Variants in PREX2 observed in about 807,000 individuals in gnomAD.
PREX2 encodes phosphatidylinositol-3,4,5-trisphosphate dependent Rac exchange factor 2.
Under a neutral mutation model 203.2 loss-of-function variants are expected in PREX2, and 107 were observed. The observed-to-expected ratio is 0.53, with a 90% CI of 0.45 to 0.62. The LOEUF (loss-of-function observed/expected upper bound fraction) is 0.62, where lower values mean the gene tolerates loss of function less well. Ranked by LOEUF, PREX2 falls within the 20% of genes least tolerant of loss-of-function variation. The probability of loss-of-function intolerance (pLI) is 0.00; values close to 1 mark genes in which losing one functional copy is unlikely to be tolerated. For missense variants in PREX2, 1,777 were observed against 1,955.9 expected (o/e 0.91, Z 1.72); for synonymous variants, 672 against 663.6 (o/e 1.01, Z -0.19).
chr8:68,121,917 A>G (rs971377834), intron 30 of PREX2, among the ~76,000 whole-genome samples: 5 of 152,194 alleles, frequency 3.3e-5, no homozygotes, highest in Admixed American at 1.3e-4. Context: ...AACCCACACA[A>G]TAAATACTAT....
At chr8:67,977,065 A>G (rs1288105594) in intron 1 of PREX2, among the ~76,000 whole-genome samples, 1 of 152,152 alleles carries the variant, frequency 6.6e-6, no homozygotes, top group Non-Finnish European at 1.5e-5. Flanking sequence ...TCCCCCCTAA[A>G]TGTATATGTT....
chr8:68,101,253 A>G (rs1810255901), intron 23 of PREX2: 3 of 463,506 alleles, frequency 6.5e-6, no homozygotes, highest in Non-Finnish European at 1.3e-5. Context: ...ATGTGTGTAA[A>G]TTAATACCCA....
At chr8:68,062,924 C>A (rs914816322) in intron 11 of PREX2, among the ~76,000 whole-genome samples, 2 of 152,156 alleles carry the variant, frequency 1.3e-5, no homozygotes, top group Admixed American at 6.5e-5. Context: ...AAATGCCTGG[C>A]ATTCCCATCC....
At chr8:68,173,565 C>A (rs1239961741) in intron 35 of PREX2, among the ~76,000 whole-genome samples, 1 of 152,034 alleles carries the variant, frequency 6.6e-6, no homozygotes, top group Non-Finnish European at 1.5e-5. Context: ...ATTCATTTGA[C>A]CTTAAGAAGT....
At chr8:67,957,248 A>C (rs1392024263) in intron 1 of PREX2, among the ~76,000 whole-genome samples, 1 of 152,146 alleles carries the variant, frequency 6.6e-6, no homozygotes, top group African/African-American at 2.4e-5. Context: ...TGATATTCTT[A>C]TAAATGCTCA....
At chr8:68,072,721 C>T (rs567857355) in intron 14 of PREX2, 151 bp downstream of exon 14, 6 of 494,406 alleles carry the variant, frequency 1.2e-5, no homozygotes, top group Admixed American at 1.1e-4. Context: ...AGGATTTGAA[C>T]CTAGATGATC....
chr8:68,105,772 G>A (rs1317183864), intron 23 of PREX2: 1 of 176,800 alleles, frequency 5.7e-6, no homozygotes, highest in Non-Finnish European at 1.0e-5. Context: ...TATATAAAAT[G>A]GTGGTCCCAT....
chr8:68,039,413 T>A (rs1808129769), intron 7 of PREX2, among the ~76,000 whole-genome samples: 1 of 152,156 alleles, frequency 6.6e-6, no homozygotes, highest in African/African-American at 2.4e-5. Flanking sequence ...TATACCCCAC[T>A]CTCTTGGCTG....
intron 1 of PREX2, among the ~76,000 whole-genome samples, chr8:67,962,699 T>C (rs1054962788): frequency 1.5e-4 from 23 of 151,812 alleles, no homozygotes; most frequent in African/African-American, 5.6e-4. Flanking sequence ...CTCTGCCTCC[T>C]GGGTTCAAGT....
chr8:68,043,912 G>A (rs1215970096), intron 7 of PREX2, among the ~76,000 whole-genome samples: 1 of 151,900 alleles, frequency 6.6e-6, no homozygotes, highest in Non-Finnish European at 1.5e-5. Context: ...GGGTATTTTA[G>A]AAATAAATAA....
intron 35 of PREX2, among the ~76,000 whole-genome samples, chr8:68,183,491 G>T (rs1260237910): frequency 1.3e-5 from 2 of 152,108 alleles, no homozygotes; most frequent in African/African-American, 4.8e-5. Context: ...CATTTCCATG[G>T]AGATAATATT....
chr8:68,044,553 G>A lies in PREX2; in HGVS notation c.906G>A (p.Thr302=), dbSNP rs772618501. ...HRYLFRGRIN[T]EVMEVENVDD... is the part of the protein sequence containing the mutation. Reference sequence around the variant, plus strand: ...ACCTTTTTCGTGGCCGGATCAACACGGAGGTGATGGAAGTGGAGAATGTGG... The same window carrying A: ...ACCTTTTTCGTGGCCGGATCAACACAGAGGTGATGGAAGTGGAGAATGTGG... The change falls in exon 8 of 40, where the codon ACG becomes ACA. Residue 302 remains threonine (T), a synonymous_variant. Transcript: ENST00000288368. 1.1e-5 allele frequency: 18 copies of A among 1,613,076 alleles called. No individual in the cohort carries two copies. Among genetic ancestry groups the A allele is most frequent in the South Asian group, 6.6e-5 (6 of 91,014 alleles).
intron 23 of PREX2, among the ~76,000 whole-genome samples, chr8:68,101,205 G>A (rs560548486): frequency 7.9e-5 from 12 of 152,150 alleles, no homozygotes; most frequent in Admixed American, 5.9e-4. Flanking sequence ...ATTAAAATAA[G>A]CCCATATATG....
chr8:68,110,473 T>C (rs1345576699), intron 25 of PREX2, among the ~76,000 whole-genome samples: 1 of 152,318 alleles, frequency 6.6e-6, no homozygotes, highest in Admixed American at 6.5e-5. Flanking sequence ...TGCTCATCCA[T>C]TCAAGGGATG....
At chr8:67,967,857 C>T (rs1158532924) in intron 1 of PREX2, among the ~76,000 whole-genome samples, 2 of 152,112 alleles carry the variant, frequency 1.3e-5, no homozygotes, top group Non-Finnish European at 2.9e-5. Context: ...CACATGTTCT[C>T]ACTCATAGGT....
At chr8:68,147,506 C>T (rs1811352245) in intron 34 of PREX2, among the ~76,000 whole-genome samples, 2 of 152,140 alleles carry the variant, frequency 1.3e-5, no homozygotes, top group South Asian at 2.1e-4. Context: ...CAAGCCCTCT[C>T]CTCTTATCTG....
chr8:68,083,043 A>C (rs950095302), intron 17 of PREX2, among the ~76,000 whole-genome samples, 197 bp from the exon 18 acceptor site: 1 of 152,224 alleles, frequency 6.6e-6, no homozygotes, highest in Non-Finnish European at 1.5e-5. Context: ...TCTGTGTTCA[A>C]ATTTAAAACT....
intron 1 of PREX2, among the ~76,000 whole-genome samples, chr8:67,979,002 C>T (rs964890813): frequency 1.3e-5 from 2 of 152,154 alleles, no homozygotes; most frequent in Non-Finnish European, 2.9e-5. Flanking sequence ...AATGTCCTTT[C>T]AATTAGACAT....
chr8:67,961,168 T>A (rs906665320), intron 1 of PREX2, among the ~76,000 whole-genome samples: 1 of 152,086 alleles, frequency 6.6e-6, no homozygotes, highest in Non-Finnish European at 1.5e-5. Flanking sequence ...ATTCTTTTAG[T>A]ATATACCTGG....
Sources: gnomAD v4.1 joint callset for allele counts (sites outside exome capture counted in the v4.1 genomes callset) on GRCh38, gnomAD v4.1.1 for gene constraint, MANE v1.5 for transcripts, NCBI Gene and HGNC (gene_info 2026-07-23, HGNC 2026-07-21) for gene names.